COL24A1: variants seen among roughly 807,000 people sequenced by gnomAD.
COL24A1 encodes collagen alpha-1(XXIV) chain.
COL24A1 carries 224 observed loss-of-function variants against 253.9 expected under a neutral mutation model. That is an observed-to-expected ratio of 0.88 (90% CI 0.79 to 0.99). The LOEUF is 0.99. Ranked by LOEUF, COL24A1 falls within the 50% of genes least tolerant of loss-of-function variation. The pLI is 0.00. For missense variants in COL24A1, 2,131 were observed against 2,068.5 expected (o/e 1.03, Z -0.59); for synonymous variants, 685 against 673.7 (o/e 1.02, Z -0.26).
intron 24 of COL24A1, among the ~76,000 whole-genome samples, chr1:85,940,296 C>A (rs1233098116): frequency 1.7e-5 from 1 of 58,158 alleles, no homozygotes; most frequent in Non-Finnish European, 3.7e-5. Flanking sequence ...CCCAGCTACT[C>A]GGGAGGCTGA....
intron 47 of COL24A1, among the ~76,000 whole-genome samples, chr1:85,801,965 T>TC (rs1317741085): frequency 6.6e-6 from 1 of 152,098 alleles, no homozygotes; most frequent in Non-Finnish European, 1.5e-5. Flanking sequence ...CCCTCATGTC[T>TC]CCCAATCAAA....
intron 53 of COL24A1, among the ~76,000 whole-genome samples, chr1:85,773,901 C>A (rs1668249228): frequency 6.6e-6 from 1 of 152,156 alleles, no homozygotes; most frequent in South Asian, 2.1e-4. Flanking sequence ...GAACTTCCAA[C>A]ACCATGTTGA....
At chr1:85,885,727 G>C (rs12127330) in intron 32 of COL24A1, among the ~76,000 whole-genome samples, 1 of 152,054 alleles carries the variant, frequency 6.6e-6, no homozygotes, top group Non-Finnish European at 1.5e-5. Context: ...ATTATCCTTG[G>C]CTAAAAATAT....
chr1:86,055,727 C>T (rs183921658), intron 10 of COL24A1, among the ~76,000 whole-genome samples: 80 of 152,170 alleles, frequency 5.3e-4, no homozygotes, highest in African/African-American at 1.8e-3. Flanking sequence ...TTCACAACTA[C>T]CTGAAAAGTA....
chr1:85,783,626 T>G, intron 50 of COL24A1, 68 bp from the exon 51 acceptor site: 1 of 1,355,240 alleles, frequency 7.4e-7, no homozygotes, highest in Non-Finnish European at 1.1e-6. Context: ...CAAAACTATA[T>G]AAATCTATCA....
chr1:86,074,999 AC>A (rs1439329369), intron 7 of COL24A1, among the ~76,000 whole-genome samples: 5 of 152,282 alleles, frequency 3.3e-5, no homozygotes, highest in African/African-American at 1.2e-4. Flanking sequence ...GCAAGACCAA[AC>A]AAAGTCAAAA....
intron 23 of COL24A1, among the ~76,000 whole-genome samples, chr1:85,962,516 A>T (rs1691177434): frequency 6.6e-6 from 1 of 152,214 alleles, no homozygotes; most frequent in African/African-American, 2.4e-5. Context: ...AAAATACAGC[A>T]TATGCAACAT....
At chr1:85,945,631 T>C (rs1689258450) in intron 24 of COL24A1, among the ~76,000 whole-genome samples, 1 of 147,576 alleles carries the variant, frequency 6.8e-6, no homozygotes, top group South Asian at 2.3e-4. Context: ...ATGTGGCAAC[T>C]AGATACATAC....
chr1:86,079,198 T>C (rs191791823), intron 7 of COL24A1, among the ~76,000 whole-genome samples: 137 of 152,104 alleles, frequency 9.0e-4, no homozygotes, highest in African/African-American at 3.1e-3. Context: ...AGAACAGACA[T>C]TGAGGAAAAG....
intron 53 of COL24A1, among the ~76,000 whole-genome samples, chr1:85,764,955 T>C (rs2101152398): frequency 6.6e-6 from 1 of 152,274 alleles, no homozygotes; most frequent in African/African-American, 2.4e-5. Flanking sequence ...TACACAAGCA[T>C]ACAGATTGGG....
At chr1:86,151,693 C>T (rs1410046793) in intron 1 of COL24A1, among the ~76,000 whole-genome samples, 1 of 152,166 alleles carries the variant, frequency 6.6e-6, no homozygotes, top group Non-Finnish European at 1.5e-5. Context: ...ATTCAACTTC[C>T]TCTTTATTCA....
chr1:85,942,138 G>C (rs1481290880), intron 24 of COL24A1, among the ~76,000 whole-genome samples: 1 of 152,140 alleles, frequency 6.6e-6, no homozygotes, highest in African/African-American at 2.4e-5. Context: ...TCTCTCTTTA[G>C]GCAATAATAA....
chr1:86,026,091 T>C (rs961119661), intron 14 of COL24A1, among the ~76,000 whole-genome samples: 1 of 152,236 alleles, frequency 6.6e-6, no homozygotes, highest in African/African-American at 2.4e-5. Context: ...TTGTTCATAT[T>C]ATTAGGCCTA....
In COL24A1 at chr1:86,117,157, C is replaced by T. The variant is rs561723783; in HGVS notation, c.1492-1779G>A. 5.8e-4 allele frequency among the ~76,000 whole-genome samples: 89 copies of T among 152,324 alleles called. 2 individuals are homozygous for T. The South Asian group carries it at 0.018, about 31-fold the overall frequency. On this transcript the variant is annotated intron_variant, in intron 3 of 59. Transcript: ENST00000370571. ...TCACTACTTGTGACAAAAGAAAACA[C>T]TATTCCATTCACATTGGAAAGGCAG... is the stretch of plus-strand genomic sequence containing the variant.
intron 47 of COL24A1, among the ~76,000 whole-genome samples, chr1:85,791,766 A>G (rs1352434424): frequency 6.6e-6 from 1 of 151,738 alleles, no homozygotes; most frequent in Non-Finnish European, 1.5e-5. Flanking sequence ...TGAAATATGC[A>G]AAGTCTCATT....
At chr1:85,936,123 A>C (rs1395036543) in intron 24 of COL24A1, among the ~76,000 whole-genome samples, 2 of 143,896 alleles carry the variant, frequency 1.4e-5, no homozygotes, top group African/African-American at 5.1e-5. Flanking sequence ...ACTCCTAACC[A>C]AGACAAGTCT....
intron 37 of COL24A1, among the ~76,000 whole-genome samples, chr1:85,853,125 C>G (rs1466891319): frequency 6.6e-6 from 1 of 152,148 alleles, no homozygotes; most frequent in Admixed American, 6.5e-5. Flanking sequence ...CTCCTCCCAC[C>G]CTTCACTCTC....
chr1:85,850,967 C>G (rs938657841), intron 37 of COL24A1, among the ~76,000 whole-genome samples: 7 of 148,968 alleles, frequency 4.7e-5, no homozygotes, highest in Non-Finnish European at 1.0e-4. Flanking sequence ...GAAATAGAAC[C>G]AATATATGTG....
rs968913709 is a variant in COL24A1 at position 86,109,279 on chromosome 1, G to A, written c.1599+3288C>T. On this transcript the variant is annotated intron_variant, in intron 5 of 59. Transcript: ENST00000370571. ...TTTTAAAGAGTCGTTTTTCCTCTCT[G>A]AGGCACTTCCATTGAACTCAAAAAA... Among the ~76,000 whole-genome samples, 19 of 151,696 alleles carry A rather than the reference G, an allele frequency of 1.3e-4. No individual in the cohort carries two copies. In the South Asian group the frequency reaches 3.6e-3, roughly 29 times the overall value.
Sources: gnomAD v4.1 joint callset for allele counts (sites outside exome capture counted in the v4.1 genomes callset) on GRCh38, gnomAD v4.1.1 for gene constraint, MANE v1.5 for transcripts, NCBI Gene and HGNC (gene_info 2026-07-23, HGNC 2026-07-21) for gene names.